Variants in ARIH2 observed in about 807,000 individuals in gnomAD.
The protein encoded by ARIH2 is E3 ubiquitin-protein ligase ARIH2.
ARIH2 carries 12 observed loss-of-function variants against 79.8 expected under a neutral mutation model. That is an observed-to-expected ratio of 0.15 (90% confidence interval 0.10 to 0.24). The LOEUF (loss-of-function observed/expected upper bound fraction) is 0.24. Ranked by LOEUF, ARIH2 falls within the 10% of genes least tolerant of loss-of-function variation. The probability of loss-of-function intolerance (pLI) is 1.00; values close to 1 mark genes in which losing one functional copy is unlikely to be tolerated. For synonymous variants in ARIH2, 224 were observed against 213.9 expected, an observed-to-expected ratio of 1.05 and a Z score of -0.41; for missense variants, 301 against 618.3, an observed-to-expected ratio of 0.49 and a Z score of 5.44.
intron 3 of ARIH2, among the ~76,000 whole-genome samples, chr3:48,928,431 A>G (rs548681210): frequency 5.9e-5 from 9 of 152,306 alleles, no homozygotes; most frequent in Admixed American, 5.9e-4. Flanking sequence ...GATGTCTTGT[A>G]CCTTAGGCCA....
At chr3:48,961,533 T>G (rs1185730250) in intron 3 of ARIH2, 79 bp from the exon 4 acceptor site, 1 of 841,570 alleles carries the variant, frequency 1.2e-6, no homozygotes, top group Non-Finnish European at 2.0e-6. Flanking sequence ...TAGACATGAA[T>G]GTATACAGTT....
intron 3 of ARIH2, among the ~76,000 whole-genome samples, chr3:48,936,161 C>T (rs756863460): frequency 9.9e-5 from 15 of 151,844 alleles, no homozygotes; most frequent in Non-Finnish European, 1.5e-5. Context: ...TATTGAGACA[C>T]CTCCGTACTT....
At chr3:48,933,228 A>C in intron 3 of ARIH2, among the ~76,000 whole-genome samples, 1 of 143,190 alleles carries the variant, frequency 7.0e-6, no homozygotes, top group Non-Finnish European at 1.5e-5. Flanking sequence ...TGCGCACCAC[A>C]TGCCCGGGTG....
chr3:48,964,015 TTTTTTA>T (rs1218630243), intron 4 of ARIH2, among the ~76,000 whole-genome samples: 9 of 152,036 alleles, frequency 5.9e-5, no homozygotes, highest in South Asian at 2.1e-4. Context: ...GCCAGTTATT[TTTTTTA>T]TTTTTATTTT....
At chr3:48,925,584 G>GT (rs892074056) in intron 2 of ARIH2, among the ~76,000 whole-genome samples, 9 of 151,074 alleles carry the variant, frequency 6.0e-5, no homozygotes, top group African/African-American at 1.5e-4. Context: ...ATGGTTGGTT[G>GT]TTTTTTTTCA....
At chr3:48,959,711 A>T (rs886139087) in intron 3 of ARIH2, among the ~76,000 whole-genome samples, 2 of 151,488 alleles carry the variant, frequency 1.3e-5, no homozygotes, top group African/African-American at 4.8e-5. Context: ...CACGGGTCAG[A>T]TGCCACTTAC....
intron 4 of ARIH2, among the ~76,000 whole-genome samples, chr3:48,964,695 A>T (rs1247614001): frequency 2.0e-5 from 3 of 152,252 alleles, no homozygotes; most frequent in Admixed American, 6.5e-5. Flanking sequence ...TGAGGTTCTT[A>T]AATGTAGCAT....
At chr3:48,939,735 G>A (rs2087757303) in intron 3 of ARIH2, among the ~76,000 whole-genome samples, 1 of 133,720 alleles carries the variant, frequency 7.5e-6, no homozygotes, top group Non-Finnish European at 1.6e-5. Flanking sequence ...TCCAGCCTGG[G>A]TGACAGAGCA....
intron 3 of ARIH2, among the ~76,000 whole-genome samples, chr3:48,953,496 C>T (rs563970577): frequency 3.3e-5 from 5 of 152,118 alleles, no homozygotes; most frequent in Admixed American, 1.3e-4. Flanking sequence ...CTCCGCCTCC[C>T]GGGTTCACGC....
intron 3 of ARIH2, chr3:48,948,998 A>G (rs1431484226): frequency 2.2e-6 from 1 of 448,860 alleles, no homozygotes; most frequent in South Asian, 1.6e-5. Context: ...GCTACTACGC[A>G]GTATGCTGCT....
chr3:48,952,932 C>CA (rs1246380511), intron 3 of ARIH2, among the ~76,000 whole-genome samples: 10 of 151,854 alleles, frequency 6.6e-5, no homozygotes, highest in Admixed American at 2.0e-4. Context: ...CTACTGTCAG[C>CA]AATTTTTTTT....
At position 48,919,051 on chromosome 3, in the gene ARIH2, G is replaced by C. The variant is rs922299992; in HGVS notation, c.-162+53G>C. ...TGTTTACCTTGGCTGGCCGCTGGGG[G>C]GGCCTCTCCGCGCGCCTCCCTGGCC... On this transcript the variant is annotated intron_variant, in intron 1 of 15. Coordinates refer to ENST00000356401, the MANE Select transcript of ARIH2 (RefSeq NM_006321.4). 2.3e-6 allele frequency: 3 copies of C among 1,327,768 alleles called. No individual in the cohort carries two copies. In the African/African-American group the frequency reaches 4.6e-5, roughly 20 times the overall value. 82.2% of individuals were successfully genotyped at this position (1,327,768 alleles called of 1,614,324 possible).
intron 3 of ARIH2, among the ~76,000 whole-genome samples, chr3:48,929,580 C>T (rs1372874185): frequency 6.6e-6 from 1 of 152,098 alleles, no homozygotes; most frequent in Non-Finnish European, 1.5e-5. Flanking sequence ...AAGAATACAG[C>T]TCGTTTATTT....
intron 8 of ARIH2, 173 bp from the exon 9 acceptor site, chr3:48,973,526 G>A (rs1197643903): frequency 4.2e-6 from 2 of 473,722 alleles, no homozygotes; most frequent in East Asian, 3.7e-5. Context: ...GCAGTGAACC[G>A]AGATCACGCC....
chr3:48,968,758 A>G, intron 7 of ARIH2, 103 bp downstream of exon 7: 2 of 1,482,428 alleles, frequency 1.3e-6, no homozygotes, highest in Non-Finnish European at 1.8e-6. Flanking sequence ...ATTAAGTGAT[A>G]GTGTTCAAAG....
chr3:48,964,640 T>C (rs1031536853), intron 4 of ARIH2, among the ~76,000 whole-genome samples: 7 of 152,178 alleles, frequency 4.6e-5, no homozygotes, highest in Admixed American at 4.6e-4. Context: ...TGAATTATCT[T>C]CCAGCTTATG....
rs1003394674 is a variant in ARIH2, at chr3:48,985,555, T to C, written c.*2285T>C. 1 of 152,222 alleles carries C rather than the reference T, an allele frequency of 6.6e-6. No individual in the cohort carries two copies. The highest frequency in any genetic ancestry group is 2.4e-5 in the African/African-American group (1 of 41,446). 9.4% of individuals were successfully genotyped at this position (152,222 alleles called of 1,614,324 possible). ...TGATTATAAAAATGTGTCTAGAGTC[T>C]TTCTTCATGGGGTCTAGGTAGTCTT... On this transcript the variant is annotated 3_prime_UTR_variant, in exon 16 of 16. Transcript: ENST00000356401.
chr3:48,985,706 T>G lies in ARIH2; in HGVS notation c.*2436T>G, dbSNP rs1433929114. On this transcript the variant is annotated 3_prime_UTR_variant, in exon 16 of 16. Coordinates refer to ENST00000356401, the MANE Select transcript of ARIH2 (RefSeq NM_006321.4). ...GGCTCTGTTTTCCCTTTCTGGCTGT[T>G]GGGGGAGAGGGCACCTGTAAGTGAT... The G allele has an allele frequency of 6.6e-6, 1 of 152,182 alleles. No individual in the cohort carries two copies. Among genetic ancestry groups the G allele is most frequent in the East Asian group, 1.9e-4 (1 of 5,198 alleles). 9.4% of individuals were successfully genotyped at this position (152,182 alleles called of 1,614,324 possible).
At chr3:48,951,687 A>C (rs1033832740) in intron 3 of ARIH2, among the ~76,000 whole-genome samples, 9 of 151,650 alleles carry the variant, frequency 5.9e-5, no homozygotes, top group Non-Finnish European at 1.2e-4. Context: ...ATTTCATTTA[A>C]GATGTCAATT....
Sources: gnomAD v4.1 joint callset for allele counts (sites outside exome capture counted in the v4.1 genomes callset) on GRCh38, gnomAD v4.1.1 for gene constraint, MANE v1.5 for transcripts, NCBI Gene and HGNC (gene_info 2026-07-23, HGNC 2026-07-21) for gene names.